Variants in SLC35F3 observed in about 807,000 individuals in gnomAD.
SLC35F3 encodes solute carrier family 35 member F3, also known as putative thiamine transporter SLC35F3.
Under a neutral mutation model 49.9 loss-of-function variants are expected in SLC35F3, and 25 were observed. The observed-to-expected ratio is 0.50, with a 90% confidence interval of 0.37 to 0.70. The LOEUF is 0.70. SLC35F3 is among the 30% of genes least tolerant of loss of function. The pLI is 0.00. For synonymous variants in SLC35F3, 275 were observed against 265.4 expected, an observed-to-expected ratio of 1.04 and a Z score of -0.35; for missense variants, 525 against 639.8, an observed-to-expected ratio of 0.82 and a Z score of 1.94.
intron 2 of SLC35F3, among the ~76,000 whole-genome samples, chr1:234,202,306 G>A (rs1169082710): frequency 6.6e-6 from 1 of 152,158 alleles, no homozygotes; most frequent in African/African-American, 2.4e-5. Context: ...TTAAAAAGGT[G>A]TGTGCAAATG....
intron 2 of SLC35F3, among the ~76,000 whole-genome samples, chr1:234,136,848 T>A (rs2102900938): frequency 6.6e-6 from 1 of 152,316 alleles, no homozygotes; most frequent in African/African-American, 2.4e-5. Context: ...ATCTCAGAGA[T>A]CAGTCTTCCA....
chr1:234,110,016 T>C (rs539122587), intron 2 of SLC35F3, among the ~76,000 whole-genome samples: 1 of 151,588 alleles, frequency 6.6e-6, no homozygotes, highest in Admixed American at 6.6e-5. Context: ...GGACGGAAAG[T>C]GAAGGATAGT....
chr1:234,228,302 C>T (rs1667318444), intron 2 of SLC35F3, among the ~76,000 whole-genome samples: 1 of 152,234 alleles, frequency 6.6e-6, no homozygotes, highest in Non-Finnish European at 1.5e-5. Flanking sequence ...GGCCAACCAC[C>T]TGCCTCTTCT....
chr1:234,105,957 A>T (rs115291552), intron 2 of SLC35F3, among the ~76,000 whole-genome samples: 3,651 of 152,168 alleles, frequency 0.024, 74 homozygotes, highest in Middle Eastern at 0.058. Context: ...CCAGTTAGAG[A>T]TGTTCTATTA....
At position 234,042,872 on chromosome 1, in the gene SLC35F3, C is replaced by T. The variant is rs151112165; in HGVS notation, c.283+137114C>T. Reference sequence around the variant, plus strand: ...CGAAGAGCCTGCTTTGACGAGCAGCCGTCTTCCGCCTTCGCTCACCCACCT... The same window carrying T: ...CGAAGAGCCTGCTTTGACGAGCAGCTGTCTTCCGCCTTCGCTCACCCACCT... On this transcript the variant is annotated intron_variant, in intron 2 of 7. Coordinates refer to ENST00000366618, the MANE Select transcript of SLC35F3 (RefSeq NM_173508.4). Among the ~76,000 whole-genome samples the T allele has an allele frequency of 5.9e-5, 9 of 152,266 alleles. No homozygotes were observed. In the East Asian group the frequency reaches 1.2e-3, roughly 20 times the overall value.
chr1:234,217,036 TG>T (rs1667132806), intron 2 of SLC35F3, among the ~76,000 whole-genome samples: 1 of 152,240 alleles, frequency 6.6e-6, no homozygotes, highest in Admixed American at 6.5e-5. Flanking sequence ...TCTTATGTGC[TG>T]GTTTTGGAAG....
At chr1:233,956,338 T>C (rs935351458) in intron 2 of SLC35F3, among the ~76,000 whole-genome samples, 2 of 151,322 alleles carry the variant, frequency 1.3e-5, no homozygotes, top group South Asian at 2.1e-4. Flanking sequence ...CACACACACA[T>C]GCAACTAACC....
chr1:234,175,912 T>C (rs1471432283), intron 2 of SLC35F3, among the ~76,000 whole-genome samples: 1 of 152,202 alleles, frequency 6.6e-6, no homozygotes, highest in African/African-American at 2.4e-5. Flanking sequence ...TGTCTCCTTA[T>C]GAGTGTTGGG....
At position 234,041,647 on chromosome 1, in the gene SLC35F3, T is replaced by C. The variant is rs557186234; in HGVS notation, c.283+135889T>C. ...GTTTTATAATTGTTCTTGCAAATACTCTTCTAATCACTTGCACATTTTATA... is the reference window on the plus strand; with the variant it reads ...GTTTTATAATTGTTCTTGCAAATACCCTTCTAATCACTTGCACATTTTATA... On this transcript the variant is annotated intron_variant, in intron 2 of 7. Coordinates refer to ENST00000366618, the MANE Select transcript of SLC35F3 (RefSeq NM_173508.4). Among the ~76,000 whole-genome samples the C allele has an allele frequency of 4.6e-5, 7 of 152,312 alleles. No homozygotes were observed. In the East Asian group the frequency reaches 1.4e-3, roughly 29 times the overall value.
intron 4 of SLC35F3, among the ~76,000 whole-genome samples, chr1:234,314,754 T>C (rs1657443548): frequency 6.6e-6 from 1 of 152,106 alleles, no homozygotes; most frequent in Non-Finnish European, 1.5e-5. Context: ...AAAGCAAGAA[T>C]CCATCTCAAA....
intron 2 of SLC35F3, among the ~76,000 whole-genome samples, chr1:234,230,311 A>G (rs1667348004): frequency 6.6e-6 from 1 of 152,266 alleles, no homozygotes; most frequent in African/African-American, 2.4e-5. Flanking sequence ...AGTATGATAT[A>G]CAAAACTCAG....
chr1:233,928,386 C>A (rs1194016138), intron 2 of SLC35F3, among the ~76,000 whole-genome samples: 2 of 152,118 alleles, frequency 1.3e-5, no homozygotes, highest in Non-Finnish European at 2.9e-5. Flanking sequence ...ATAATTGGAA[C>A]CTGCAGTTTT....
intron 2 of SLC35F3, among the ~76,000 whole-genome samples, chr1:233,982,261 T>C (rs945359777): frequency 6.6e-6 from 1 of 152,254 alleles, no homozygotes; most frequent in Non-Finnish European, 1.5e-5. Flanking sequence ...CCATTTGCCA[T>C]TTAAATACCC....
chr1:233,932,786 G>T (rs1662266427), intron 2 of SLC35F3, among the ~76,000 whole-genome samples: 1 of 152,272 alleles, frequency 6.6e-6, no homozygotes, highest in African/African-American at 2.4e-5. Flanking sequence ...TGCTTCCTTT[G>T]TTGATGGTGT....
chr1:233,970,386 G>T (rs761335397), intron 2 of SLC35F3, among the ~76,000 whole-genome samples: 5 of 152,246 alleles, frequency 3.3e-5, no homozygotes, highest in Non-Finnish European at 7.3e-5. Flanking sequence ...TGTGCCTGAT[G>T]CAGATAATAT....
chr1:234,050,354 A>C (rs1282702805), intron 2 of SLC35F3, among the ~76,000 whole-genome samples: 1 of 152,104 alleles, frequency 6.6e-6, no homozygotes, highest in East Asian at 1.9e-4. Flanking sequence ...ATGGTATCTC[A>C]TTGTGGTTTT....
At chr1:234,125,844 C>A (rs1360072441) in intron 2 of SLC35F3, among the ~76,000 whole-genome samples, 1 of 152,232 alleles carries the variant, frequency 6.6e-6, no homozygotes, top group African/African-American at 2.4e-5. Flanking sequence ...TCTTGCACCA[C>A]AACCCTCGGA....
At chr1:233,910,603 G>A (rs561690546) in intron 2 of SLC35F3, among the ~76,000 whole-genome samples, 4 of 152,222 alleles carry the variant, frequency 2.6e-5, no homozygotes, top group African/African-American at 9.6e-5. Flanking sequence ...TCTAAGGGTG[G>A]GCAGGATGTT....
chr1:234,040,300 G>A (rs544975261), intron 2 of SLC35F3, among the ~76,000 whole-genome samples: 4 of 152,140 alleles, frequency 2.6e-5, no homozygotes, highest in Middle Eastern at 3.4e-3. Flanking sequence ...CTGAATCTGG[G>A]GTCTTTATAG....
Sources: allele counts gnomAD v4.1 joint callset (sites outside exome capture counted in the v4.1 genomes callset), GRCh38; gene constraint gnomAD v4.1.1; transcripts MANE v1.5; gene names NCBI Gene and HGNC (gene_info 2026-07-23, HGNC 2026-07-21).